The following DCAF1 variants were observed in gnomAD, a reference collection of about 807,000 sequenced individuals.
The protein encoded by DCAF1 is DDB1 and CUL4 associated factor 1.
DCAF1 carries 15 observed loss-of-function variants against 128.0 expected under a neutral mutation model. The observed-to-expected ratio is 0.12, with a 90% CI of 0.08 to 0.18. The LOEUF (loss-of-function observed/expected upper bound fraction) is 0.18. Among genes scored for constraint, DCAF1 ranks in the 10% least tolerant of loss-of-function variants. The pLI is 1.00. For synonymous variants in DCAF1, 610 were observed against 603.0 expected, an observed-to-expected ratio of 1.01 and a Z score of -0.17; for missense variants, 988 against 1,649.5, an observed-to-expected ratio of 0.60 and a Z score of 6.95.
intron 24 of DCAF1, among the ~76,000 whole-genome samples, chr3:51,400,374 A>T (rs2089573445): frequency 6.6e-6 from 1 of 152,182 alleles, no homozygotes; most frequent in Non-Finnish European, 1.5e-5. Flanking sequence ...AGCATCCCCC[A>T]GGACTCATGC....
At chr3:51,446,148 C>T (rs1240535741) in intron 6 of DCAF1, among the ~76,000 whole-genome samples, 7 of 151,954 alleles carry the variant, frequency 4.6e-5, no homozygotes, top group African/African-American at 1.5e-4. Flanking sequence ...TGCACACCAA[C>T]CACACCCAGC....
intron 6 of DCAF1, among the ~76,000 whole-genome samples, chr3:51,454,041 A>G (rs1553642166): frequency 6.6e-6 from 1 of 151,806 alleles, no homozygotes; most frequent in East Asian, 1.9e-4. Flanking sequence ...CATTACGTCT[A>G]AAACTTGAGC....
intron 2 of DCAF1, among the ~76,000 whole-genome samples, chr3:51,485,029 C>T (rs1553654727): frequency 6.6e-6 from 1 of 152,090 alleles, no homozygotes; most frequent in Non-Finnish European, 1.5e-5. Context: ...AATTCTCCTG[C>T]CTCAGCCTCC....
At chr3:51,451,066 A>AT (rs1559527264) in intron 6 of DCAF1, among the ~76,000 whole-genome samples, 1 of 32,756 alleles carries the variant, frequency 3.1e-5, no homozygotes, top group Non-Finnish European at 6.8e-5. Flanking sequence ...TAAAAAGGAA[A>AT]TTCTTTTTTT....
At chr3:51,414,455 T>C (rs1553629600) in intron 19 of DCAF1, among the ~76,000 whole-genome samples, 169 bp downstream of exon 19, 1 of 152,236 alleles carries the variant, frequency 6.6e-6, no homozygotes, top group Non-Finnish European at 1.5e-5. Flanking sequence ...TTACTAACAT[T>C]GGCAACAGTG....
intron 13 of DCAF1, among the ~76,000 whole-genome samples, chr3:51,425,495 AAC>A (rs1699821954): frequency 6.6e-6 from 1 of 151,084 alleles, no homozygotes; most frequent in Non-Finnish European, 1.5e-5. Flanking sequence ...AAAATAAATA[AAC>A]ACAGATGTAC....
chr3:51,476,875 A>G (rs1705524428), intron 3 of DCAF1, among the ~76,000 whole-genome samples: 1 of 151,920 alleles, frequency 6.6e-6, no homozygotes, highest in South Asian at 2.1e-4. Context: ...CTCCGTCTCA[A>G]AAAAAAGACC....
chr3:51,492,491 G>A (rs1707767585), intron 2 of DCAF1, among the ~76,000 whole-genome samples: 1 of 151,926 alleles, frequency 6.6e-6, no homozygotes, highest in Non-Finnish European at 1.5e-5. Flanking sequence ...ACACCGGCCT[G>A]GGCAAAAGGA....
At chr3:51,475,465 G>C (rs143076303) in intron 3 of DCAF1, among the ~76,000 whole-genome samples, 90 of 152,226 alleles carry the variant, frequency 5.9e-4, no homozygotes, top group Non-Finnish European at 1.1e-3. Flanking sequence ...AACTAGCCAG[G>C]CATGGTGGCA....
rs114856220 is a variant in DCAF1 at position 51,423,516 on chromosome 3, A to T, written c.1848-1085T>A. 3.8e-3 allele frequency among the ~76,000 whole-genome samples: 575 copies of T among 151,670 alleles called. 6 individuals carry two copies. Among genetic ancestry groups the T allele is most frequent in the African/African-American group, 0.013 (542 of 41,408 alleles). ...GACTCTGTCTCCACAAAAAAAAAAAAAGAAAAGAAAAAAGACTCAGGCCGG... is the reference window on the plus strand; with the variant it reads ...GACTCTGTCTCCACAAAAAAAAAAATAGAAAAGAAAAAAGACTCAGGCCGG... On this transcript the variant is annotated intron_variant, in intron 13 of 24. Transcript: ENST00000684031.
At chr3:51,428,166 T>C (rs1404930213) in intron 12 of DCAF1, among the ~76,000 whole-genome samples, 1 of 151,354 alleles carries the variant, frequency 6.6e-6, no homozygotes, top group Non-Finnish European at 1.5e-5. Context: ...AAGCATCATG[T>C]GACTGATTTC....
chr3:51,496,857 G>C (rs1489723342), intron 1 of DCAF1, among the ~76,000 whole-genome samples, 77 bp from the exon 2 acceptor site: 3 of 152,086 alleles, frequency 2.0e-5, no homozygotes, highest in Non-Finnish European at 4.4e-5. Context: ...AAAGCCTCAA[G>C]AAATACTTAT....
In DCAF1 at chr3:51,444,698, C is replaced by G. The variant is rs972581448; in HGVS notation, c.376-795G>C. On this transcript the variant is annotated intron_variant, in intron 6 of 24. Coordinates refer to ENST00000684031, the MANE Select transcript of DCAF1 (RefSeq NM_001387579.1). ...TGATTGATTGATTGATTAATTGAGA[C>G]AGAGTCTTGCTCTGTTGCCCAGGCT... Among the ~76,000 whole-genome samples, 3 of 148,370 alleles carry G rather than the reference C, an allele frequency of 2.0e-5. No individual in the cohort carries two copies. The South Asian group carries it at 6.5e-4, about 32-fold the overall frequency.
Position 51,441,484 on chromosome 3 carries a change from G to C in DCAF1, c.927C>G (p.Pro309=), listed in dbSNP as rs1559514531. Residue 309 remains proline, a synonymous_variant, in exon 8 of 25, where the codon CCC becomes CCG. Coordinates refer to ENST00000684031, the MANE Select transcript of DCAF1 (RefSeq NM_001387579.1). Reference sequence around the variant, plus strand: ...GGGTATAATTGGTGCCAATCACCCAGGGAGACATTTCTGACCAACTGCTAT... The same window carrying C: ...GGGTATAATTGGTGCCAATCACCCACGGAGACATTTCTGACCAACTGCTAT... ...LSNSSWSEMS[P]WVIGTNYTLY... 1.9e-6 allele frequency: 3 copies of C among 1,613,832 alleles called. No homozygotes were observed. Among genetic ancestry groups the C allele is most frequent in the Non-Finnish European group, 2.5e-6 (3 of 1,179,898 alleles).
intron 6 of DCAF1, among the ~76,000 whole-genome samples, chr3:51,459,697 A>G (rs1421080819): frequency 6.6e-6 from 1 of 152,242 alleles, no homozygotes; most frequent in Non-Finnish European, 1.5e-5. Flanking sequence ...CACATCAAAA[A>G]GCTTATCTAC....
chr3:51,489,356 C>T (rs138364193), intron 2 of DCAF1, among the ~76,000 whole-genome samples: 204 of 152,062 alleles, frequency 1.3e-3, no homozygotes, highest in African/African-American at 3.8e-3. Context: ...TTGCTTGAAT[C>T]GAAGAGGCAG....
At chr3:51,446,991 A>AATC in intron 6 of DCAF1, among the ~76,000 whole-genome samples, 1 of 147,922 alleles carries the variant, frequency 6.8e-6, no homozygotes, top group Admixed American at 6.8e-5. Context: ...TAATAATAAT[A>AATC]ATAATAATAA....
intron 18 of DCAF1, 105 bp downstream of exon 18, chr3:51,416,682 T>C: frequency 6.8e-7 from 1 of 1,471,714 alleles, no homozygotes; most frequent in Non-Finnish European, 9.2e-7. Context: ...ATATCACTGA[T>C]TTCTAGTTGC....
intron 17 of DCAF1, 57 bp from the exon 18 acceptor site, chr3:51,416,928 AC>A (rs1698936111): frequency 6.4e-7 from 1 of 1,555,000 alleles, no homozygotes; most frequent in African/African-American, 1.4e-5. Flanking sequence ...TATTCCTGCA[AC>A]CAACTGAAAC....
Sources: allele counts gnomAD v4.1 joint callset (sites outside exome capture counted in the v4.1 genomes callset), GRCh38; gene constraint gnomAD v4.1.1; transcripts MANE v1.5; gene names NCBI Gene and HGNC (gene_info 2026-07-23, HGNC 2026-07-21).